FBXL7: variants seen among roughly 807,000 people sequenced by gnomAD.
FBXL7 encodes the protein F-box and leucine rich repeat protein 7.
A neutral mutation model predicts 38.3 loss-of-function variants in FBXL7; 12 were observed. That is an observed-to-expected ratio of 0.31 (90% CI 0.20 to 0.51). FBXL7 has a LOEUF of 0.51. Among genes scored for constraint, FBXL7 ranks in the 20% least tolerant of loss-of-function variants. The probability of loss-of-function intolerance (pLI) is 0.98; values close to 1 mark genes in which losing one functional copy is unlikely to be tolerated. For synonymous variants in FBXL7, 297 were observed against 300.9 expected, an observed-to-expected ratio of 0.99 and a Z score of 0.13; for missense variants, 567 against 676.4, an observed-to-expected ratio of 0.84 and a Z score of 1.79.
chr5:15,712,633 C>T (rs969969411), intron 2 of FBXL7, among the ~76,000 whole-genome samples: 3 of 151,544 alleles, frequency 2.0e-5, no homozygotes, highest in African/African-American at 7.3e-5. Context: ...AAGAAAATTT[C>T]TATGGAGCCT....
At chr5:15,812,740 A>AT (rs750388633) in intron 2 of FBXL7, among the ~76,000 whole-genome samples, 2 of 152,082 alleles carry the variant, frequency 1.3e-5, no homozygotes, top group Non-Finnish European at 2.9e-5. Context: ...CATTTTCATG[A>AT]TATTGATTCT....
chr5:15,525,488 A>G (rs972866766), intron 1 of FBXL7, among the ~76,000 whole-genome samples: 5 of 152,152 alleles, frequency 3.3e-5, no homozygotes, highest in African/African-American at 1.2e-4. Flanking sequence ...TTGAAGCTGG[A>G]GAAGTGCAAT....
At chr5:15,524,204 T>C (rs1737186689) in intron 1 of FBXL7, among the ~76,000 whole-genome samples, 1 of 152,182 alleles carries the variant, frequency 6.6e-6, no homozygotes, top group Non-Finnish European at 1.5e-5. Flanking sequence ...GGGCTGTGAC[T>C]CCCCTGAATG....
chr5:15,872,338 C>T (rs1401935331), intron 2 of FBXL7, among the ~76,000 whole-genome samples: 1 of 152,154 alleles, frequency 6.6e-6, no homozygotes, highest in Non-Finnish European at 1.5e-5. Flanking sequence ...CTTGTAAAGA[C>T]CATCAACACT....
intron 2 of FBXL7, among the ~76,000 whole-genome samples, chr5:15,863,360 A>G (rs1053439507): frequency 6.6e-6 from 1 of 152,104 alleles, no homozygotes; most frequent in Non-Finnish European, 1.5e-5. Context: ...ATTTAAGAAG[A>G]AAAAGTCTTT....
intron 1 of FBXL7, among the ~76,000 whole-genome samples, chr5:15,586,305 C>A (rs1739303307): frequency 7.8e-6 from 1 of 127,930 alleles, no homozygotes; most frequent in African/African-American, 2.9e-5. Context: ...CTCTCTCCCC[C>A]CTCACCTCCC....
chr5:15,826,546 G>A (rs951434891), intron 2 of FBXL7, among the ~76,000 whole-genome samples: 2 of 152,066 alleles, frequency 1.3e-5, no homozygotes, highest in African/African-American at 4.8e-5. Flanking sequence ...AGCCTCTTGG[G>A]TAGCTGGGAT....
At chr5:15,811,790 C>A (rs1271448192) in intron 2 of FBXL7, among the ~76,000 whole-genome samples, 1 of 151,870 alleles carries the variant, frequency 6.6e-6, no homozygotes, top group African/African-American at 2.4e-5. Flanking sequence ...CAATGAGATA[C>A]CATCTCACAC....
chr5:15,516,758 T>G (rs1323867509), intron 1 of FBXL7, among the ~76,000 whole-genome samples: 1 of 152,076 alleles, frequency 6.6e-6, no homozygotes, highest in Admixed American at 6.5e-5. Context: ...GTGAGTGAGT[T>G]CTCACGAGAT....
At chr5:15,578,334 C>T (rs970385599) in intron 1 of FBXL7, among the ~76,000 whole-genome samples, 8 of 152,062 alleles carry the variant, frequency 5.3e-5, no homozygotes, top group Non-Finnish European at 1.2e-4. Context: ...AATCCCCTTT[C>T]GGCAACAATT....
intron 2 of FBXL7, among the ~76,000 whole-genome samples, chr5:15,705,595 A>G (rs1215761477): frequency 6.6e-6 from 1 of 152,236 alleles, no homozygotes; most frequent in Non-Finnish European, 1.5e-5. Flanking sequence ...TTGTCAAGGT[A>G]ATGATATAAA....
At chr5:15,893,420 A>G (rs1740992292) in intron 2 of FBXL7, among the ~76,000 whole-genome samples, 1 of 152,232 alleles carries the variant, frequency 6.6e-6, no homozygotes, top group Non-Finnish European at 1.5e-5. Context: ...GATGTTATAA[A>G]TCAATTCTGA....
intron 2 of FBXL7, among the ~76,000 whole-genome samples, chr5:15,821,708 G>A (rs1738173828): frequency 6.6e-6 from 1 of 152,174 alleles, no homozygotes; most frequent in South Asian, 2.1e-4. Flanking sequence ...AATCTGAGAT[G>A]AAAGACTTTC....
Position 15,729,000 on chromosome 5 carries a change from G to T in FBXL7, c.127+112928G>T, listed in dbSNP as rs573808398. On this transcript the variant is annotated intron_variant, in intron 2 of 3. Coordinates refer to ENST00000504595, the MANE Select transcript of FBXL7 (RefSeq NM_012304.5). Reference sequence around the variant, plus strand: ...TATAATTAAGAATTGGATGATGATTGACTTATTGGTGTCTTAGAGCACTGC... The same window carrying T: ...TATAATTAAGAATTGGATGATGATTTACTTATTGGTGTCTTAGAGCACTGC... 2.6e-5 allele frequency among the ~76,000 whole-genome samples: 4 copies of T among 152,210 alleles called. No homozygotes were observed. In the South Asian group the frequency reaches 8.3e-4, roughly 32 times the overall value.
At chr5:15,536,941 A>C (rs541448357) in intron 1 of FBXL7, among the ~76,000 whole-genome samples, 3 of 152,278 alleles carry the variant, frequency 2.0e-5, no homozygotes, top group South Asian at 2.1e-4. Flanking sequence ...TGATTGAATC[A>C]TGGGGGTGAT....
chr5:15,560,082 C>T (rs1427954847), intron 1 of FBXL7, among the ~76,000 whole-genome samples: 7 of 152,166 alleles, frequency 4.6e-5, no homozygotes, highest in Non-Finnish European at 1.5e-5. Flanking sequence ...TAGACAATAT[C>T]TTGCATATTG....
intron 2 of FBXL7, among the ~76,000 whole-genome samples, chr5:15,847,249 C>G (rs1364623790): frequency 6.6e-6 from 1 of 152,130 alleles, no homozygotes; most frequent in East Asian, 1.9e-4. Flanking sequence ...GAGGAGGCCT[C>G]AGGAAACTTA....
At chr5:15,782,733 G>A (rs2126722644) in intron 2 of FBXL7, among the ~76,000 whole-genome samples, 1 of 152,190 alleles carries the variant, frequency 6.6e-6, no homozygotes, top group East Asian at 1.9e-4. Flanking sequence ...GAGACAGTAA[G>A]GAGGGATGAA....
chr5:15,900,433 G>T (rs1162002568), intron 2 of FBXL7, among the ~76,000 whole-genome samples: 3 of 152,150 alleles, frequency 2.0e-5, no homozygotes, highest in Non-Finnish European at 4.4e-5. Context: ...TCTGTTCGTG[G>T]TGCCACTAGC....
Sources: gnomAD v4.1 joint callset for allele counts (sites outside exome capture counted in the v4.1 genomes callset) on GRCh38, gnomAD v4.1.1 for gene constraint, MANE v1.5 for transcripts, NCBI Gene and HGNC (gene_info 2026-07-23, HGNC 2026-07-21) for gene names.